The following CSMD1 variants were observed in gnomAD, a reference collection of about 807,000 sequenced individuals.
CSMD1 encodes the protein CUB and Sushi multiple domains 1, also known as CUB and sushi domain-containing protein 1.
A neutral mutation model predicts 417.5 loss-of-function variants in CSMD1; 213 were observed. The ratio of observed to expected loss-of-function variants is 0.51; its 90% confidence interval spans 0.46 to 0.57. The LOEUF (loss-of-function observed/expected upper bound fraction) is 0.57. CSMD1 is among the 20% of genes least tolerant of loss of function. CSMD1 has a pLI of 0.00. For synonymous variants in CSMD1, 2,862 were observed against 1,736.8 expected, an observed-to-expected ratio of 1.65 and a Z score of -16.11; for missense variants, 6,923 against 4,529.7, an observed-to-expected ratio of 1.53 and a Z score of -15.17.
chr8:4,515,329 A>G (rs1803055456), intron 2 of CSMD1, among the ~76,000 whole-genome samples: 2 of 152,186 alleles, frequency 1.3e-5, no homozygotes, highest in Non-Finnish European at 2.9e-5. Flanking sequence ...TAAATAAACA[A>G]TAGTTATGGC....
chr8:3,143,891 G>T (rs1223508653), intron 40 of CSMD1, among the ~76,000 whole-genome samples: 1 of 152,174 alleles, frequency 6.6e-6, no homozygotes, highest in African/African-American at 2.4e-5. Context: ...GGAAAACACA[G>T]TTGTCAGAGG....
chr8:3,089,789 G>T (rs1814807996), intron 48 of CSMD1, among the ~76,000 whole-genome samples: 1 of 152,044 alleles, frequency 6.6e-6, no homozygotes, highest in African/African-American at 2.4e-5. Flanking sequence ...ATAAAATTGT[G>T]TATTCTTCTT....
intron 5 of CSMD1, among the ~76,000 whole-genome samples, chr8:3,899,641 G>C (rs551972364): frequency 2.0e-5 from 3 of 152,214 alleles, no homozygotes; most frequent in Non-Finnish European, 2.9e-5. Context: ...AGGTTTTGGA[G>C]GCTGAGAAAC....
At chr8:3,630,626 G>C (rs573128846) in intron 7 of CSMD1, among the ~76,000 whole-genome samples, 127 of 152,320 alleles carry the variant, frequency 8.3e-4, no homozygotes, top group African/African-American at 2.7e-3. Flanking sequence ...GGCATGCTGA[G>C]TGAGGGTTGA....
chr8:3,454,635 T>C (rs916229371), intron 12 of CSMD1, among the ~76,000 whole-genome samples: 1 of 152,238 alleles, frequency 6.6e-6, no homozygotes, highest in African/African-American at 2.4e-5. Context: ...ATGTTGAATA[T>C]TGGCCCCCAC....
chr8:3,948,067 A>C (rs1811357675), intron 5 of CSMD1, among the ~76,000 whole-genome samples: 1 of 152,128 alleles, frequency 6.6e-6, no homozygotes, highest in Non-Finnish European at 1.5e-5. Flanking sequence ...TTATCTGGGC[A>C]TGGTGGCAAG....
chr8:3,514,301 T>C (rs942626539), intron 10 of CSMD1, among the ~76,000 whole-genome samples: 30 of 152,188 alleles, frequency 2.0e-4, no homozygotes, highest in African/African-American at 7.0e-4. Flanking sequence ...CCTCAGTGCA[T>C]TGCAGCTAGT....
chr8:3,856,379 C>G (rs1440568726), intron 5 of CSMD1, among the ~76,000 whole-genome samples: 1 of 152,146 alleles, frequency 6.6e-6, no homozygotes, highest in African/African-American at 2.4e-5. Context: ...GCCAATTAAA[C>G]CTCTTTTCTT....
At chr8:4,473,386 C>A (rs1240938477) in intron 2 of CSMD1, among the ~76,000 whole-genome samples, 1 of 152,072 alleles carries the variant, frequency 6.6e-6, no homozygotes, top group Non-Finnish European at 1.5e-5. Context: ...GCTGGCTTAC[C>A]CCATTCTCAT....
At chr8:3,867,928 C>A (rs772532556) in intron 5 of CSMD1, among the ~76,000 whole-genome samples, 2 of 152,014 alleles carry the variant, frequency 1.3e-5, no homozygotes, top group Non-Finnish European at 2.9e-5. Flanking sequence ...GCCTGGACAC[C>A]CTTACAGCCA....
chr8:4,960,972 C>A (rs1809438572), intron 1 of CSMD1, among the ~76,000 whole-genome samples: 3 of 152,112 alleles, frequency 2.0e-5, no homozygotes, highest in Non-Finnish European at 4.4e-5. Flanking sequence ...CTTAGCCCAT[C>A]TTATCTATTG....
Position 4,455,929 on chromosome 8 carries a change from C to CAAAAAAAAAA in CSMD1, c.303-35874_303-35865dup, listed in dbSNP as rs71207091. Reference sequence around the variant, plus strand: ...GGGTGACAAAGTGAGACTCCAACTCCAAAAAAAAAAAAAAAAAAAAAAAAA... The same window carrying CAAAAAAAAAA: ...GGGTGACAAAGTGAGACTCCAACTCCAAAAAAAAAAAAAAAAAAAAAAAAAAAAAAAAAAA... On this transcript the variant is annotated intron_variant, in intron 2 of 69. Transcript: ENST00000635120. Among the ~76,000 whole-genome samples, 61 of 11,642 alleles carry CAAAAAAAAAA rather than the reference C, an allele frequency of 5.2e-3. 6 individuals carry two copies. Among genetic ancestry groups the CAAAAAAAAAA allele is most frequent in the East Asian group, 0.045 (6 of 132 alleles). 7.6% of individuals were successfully genotyped at this position (11,642 alleles called of 152,430 possible).
chr8:3,679,075 A>T (rs1024196307), intron 7 of CSMD1, among the ~76,000 whole-genome samples: 2 of 152,188 alleles, frequency 1.3e-5, no homozygotes, highest in Non-Finnish European at 2.9e-5. Flanking sequence ...GCCACTGCAA[A>T]AACATGCCAA....
intron 3 of CSMD1, among the ~76,000 whole-genome samples, chr8:4,071,810 T>G (rs1799572789): frequency 1.3e-5 from 2 of 152,290 alleles, no homozygotes; most frequent in Admixed American, 1.3e-4. Flanking sequence ...TGCATTCAAA[T>G]GAAAACTTCC....
intron 41 of CSMD1, among the ~76,000 whole-genome samples, chr8:3,135,718 G>C (rs936718134): frequency 1.3e-4 from 20 of 152,044 alleles, no homozygotes; most frequent in Non-Finnish European, 2.5e-4. Flanking sequence ...TCACATTTCT[G>C]ACTCTGTGAC....
chr8:4,585,926 CAAT>C (rs1390583114), intron 2 of CSMD1, among the ~76,000 whole-genome samples: 4 of 152,010 alleles, frequency 2.6e-5, no homozygotes, highest in African/African-American at 9.7e-5. Flanking sequence ...TTATATGTAA[CAAT>C]AAAATTATTG....
chr8:4,641,887 C>G (rs1451737644), intron 1 of CSMD1, among the ~76,000 whole-genome samples: 2 of 152,216 alleles, frequency 1.3e-5, no homozygotes, highest in African/African-American at 2.4e-5. Flanking sequence ...CAATTGGAAA[C>G]ATAAACATCA....
At chr8:3,591,474 T>C (rs912604360) in intron 8 of CSMD1, among the ~76,000 whole-genome samples, 4 of 152,280 alleles carry the variant, frequency 2.6e-5, no homozygotes, top group South Asian at 2.1e-4. Context: ...TTATTAAACA[T>C]TGGTATCATA....
chr8:3,020,192 T>C (rs532055638), intron 51 of CSMD1, among the ~76,000 whole-genome samples: 1 of 152,210 alleles, frequency 6.6e-6, no homozygotes, highest in East Asian at 1.9e-4. Flanking sequence ...CATAGGCTTG[T>C]GCATTAGATT....
Sources: allele counts gnomAD v4.1 joint callset (sites outside exome capture counted in the v4.1 genomes callset), GRCh38; gene constraint gnomAD v4.1.1; transcripts MANE v1.5; gene names NCBI Gene and HGNC (gene_info 2026-07-23, HGNC 2026-07-21).